MAL2: variants seen among roughly 807,000 people sequenced by gnomAD.
MAL2 encodes protein MAL2.
A neutral mutation model predicts 18.1 loss-of-function variants in MAL2; 17 were observed. The observed-to-expected ratio is 0.94, with a 90% confidence interval of 0.64 to 1.41. The LOEUF is 1.41. Ranked by LOEUF, MAL2 falls within the 40% of genes most tolerant of loss-of-function variation. MAL2 has a pLI of 0.00. For synonymous variants in MAL2, 102 were observed against 102.3 expected (o/e 1.00, Z 0.02); for missense variants, 222 against 231.9 (o/e 0.96, Z 0.28).
intron 2 of MAL2, among the ~76,000 whole-genome samples, chr8:119,234,116 C>A (rs1817809926): frequency 6.6e-6 from 1 of 152,156 alleles, no homozygotes; most frequent in Admixed American, 6.5e-5. Context: ...CGTGCGCGAG[C>A]CGAAGCAGGG....
At chr8:119,217,381 A>G (rs73709671) in intron 1 of MAL2, among the ~76,000 whole-genome samples, 11,212 of 152,198 alleles carry the variant, frequency 0.074, 1,190 homozygotes, top group African/African-American at 0.24. Flanking sequence ...AGTTGGGTTA[A>G]GAAGATAAAA....
rs1218334084 is a variant in MAL2, at chr8:119,243,809, T to G, written c.*321T>G. 1.0e-5 allele frequency: 2 copies of G among 191,782 alleles called. No individual in the cohort carries two copies. The highest frequency in any genetic ancestry group is 2.1e-5 in the Non-Finnish European group (2 of 94,748). The allele number at this position is 191,782 out of a possible 1,614,324, so 11.9% of individuals were successfully genotyped here. A position where few individuals can be genotyped will look rare whatever the true frequency, so the allele number is the denominator to read the frequency against. Reference sequence around the variant, plus strand: ...TCATAAAAAATTAGTATCCCTTTTGTTTGGTTGCTGAGTCACCTGAACCTT... The same window carrying G: ...TCATAAAAAATTAGTATCCCTTTTGGTTGGTTGCTGAGTCACCTGAACCTT... On this transcript the variant is annotated 3_prime_UTR_variant, in exon 4 of 4. Coordinates refer to ENST00000614891, the MANE Select transcript of MAL2 (RefSeq NM_052886.3).
Position 119,238,430 on chromosome 8 carries a change from A to C in MAL2, c.304-1735A>C, listed in dbSNP as rs184545487. The stretch of plus-strand genomic sequence containing the variant: ...TCACAGAATTGGAAAAAACTACTTT[A>C]AAGTTCATAGGAACCGAAAAAGAGC... On this transcript the variant is annotated intron_variant, in intron 2 of 3. Transcript: ENST00000614891. 2.7e-3 allele frequency among the ~76,000 whole-genome samples: 413 copies of C among 152,302 alleles called. 2 individuals are homozygous for C. The highest frequency in any genetic ancestry group is 9.3e-3 in the African/African-American group (388 of 41,540).
At chr8:119,224,707 T>A (rs1817547536) in intron 2 of MAL2, among the ~76,000 whole-genome samples, 1 of 152,056 alleles carries the variant, frequency 6.6e-6, no homozygotes, top group African/African-American at 2.4e-5. Context: ...CCCCACCCAC[T>A]CCTGAGTCTC....
chr8:119,216,300 G>A (rs1285989849), intron 1 of MAL2, among the ~76,000 whole-genome samples: 1 of 151,968 alleles, frequency 6.6e-6, no homozygotes, highest in Non-Finnish European at 1.5e-5. Flanking sequence ...CCATGAGAGG[G>A]GCAGAATAGC....
At position 119,239,738 on chromosome 8, in the gene MAL2, G is replaced by A. The variant is rs534056042; in HGVS notation, c.304-427G>A. Among the ~76,000 whole-genome samples, 5 of 149,308 alleles carry A rather than the reference G, an allele frequency of 3.3e-5. No homozygotes were observed. In the South Asian group the frequency reaches 6.2e-4, roughly 19 times the overall value. ...TGAACAATGAGAACACATGGACACA[G>A]GAAGGGGAACATCACACTCTGGGGA... On this transcript the variant is annotated intron_variant, in intron 2 of 3. Coordinates refer to ENST00000614891, the MANE Select transcript of MAL2 (RefSeq NM_052886.3).
At chr8:119,240,758 A>AGGAT (rs1168612974) in intron 3 of MAL2, among the ~76,000 whole-genome samples, 1 of 152,184 alleles carries the variant, frequency 6.6e-6, no homozygotes, top group Non-Finnish European at 1.5e-5. Context: ...CTGGGTGTTG[A>AGGAT]GGATGGGGTG....
intron 2 of MAL2, among the ~76,000 whole-genome samples, chr8:119,235,461 C>A (rs1014480865): frequency 1.3e-5 from 2 of 152,028 alleles, no homozygotes; most frequent in East Asian, 3.9e-4. Context: ...CACAAAGATA[C>A]TCCTCGAGAA....
intron 3 of MAL2, among the ~76,000 whole-genome samples, chr8:119,243,202 TA>T (rs1477808449): frequency 6.6e-6 from 1 of 150,454 alleles, no homozygotes; most frequent in East Asian, 2.0e-4. Context: ...TATTAGGAGC[TA>T]AAATGTTTAA....
At chr8:119,223,808 TTTATTA>T (rs1187612886) in intron 2 of MAL2, 4 of 152,140 alleles carry the variant, frequency 2.6e-5, no homozygotes, top group Non-Finnish European at 5.9e-5. Context: ...GGGTCTTTTT[TTTATTA>T]TTATTATTCA....
At chr8:119,240,872 G>A (rs566351069) in intron 3 of MAL2, among the ~76,000 whole-genome samples, 83 of 152,100 alleles carry the variant, frequency 5.5e-4, no homozygotes, top group African/African-American at 1.9e-3. Context: ...TATTCCTTGG[G>A]GTATTTATTA....
intron 1 of MAL2, among the ~76,000 whole-genome samples, chr8:119,211,361 GT>G (rs1027054800): frequency 6.6e-6 from 1 of 152,160 alleles, no homozygotes; most frequent in Non-Finnish European, 1.5e-5. Context: ...GTTCAAATTC[GT>G]TTGTCTTTAA....
At position 119,245,327 on chromosome 8, in the gene MAL2, G is replaced by A. The variant is rs1818130492; in HGVS notation, c.*1839G>A. 6.6e-6 allele frequency: 1 copy of A among 152,526 alleles called. No individual in the cohort carries two copies. The highest frequency in any genetic ancestry group is 2.4e-5 in the African/African-American group (1 of 41,430). 9.4% of individuals were successfully genotyped at this position (152,526 alleles called of 1,614,324 possible). On this transcript the variant is annotated 3_prime_UTR_variant, in exon 4 of 4. Coordinates refer to ENST00000614891, the MANE Select transcript of MAL2 (RefSeq NM_052886.3). Reference sequence around the variant, plus strand: ...GAATCGTTTACTCTGCTAGAATTTAGGTGTGAGATTTTTTGTTTCCCAGGT... The same window carrying A: ...GAATCGTTTACTCTGCTAGAATTTAAGTGTGAGATTTTTTGTTTCCCAGGT...
chr8:119,210,313 C>G (rs527539250), intron 1 of MAL2, among the ~76,000 whole-genome samples: 2 of 152,130 alleles, frequency 1.3e-5, no homozygotes, highest in South Asian at 4.1e-4. Context: ...TAATCAAATA[C>G]CATCTCAAGA....
rs543129862 is a variant in MAL2, at chr8:119,235,315, T to A, written c.304-4850T>A. 6.9e-3 allele frequency among the ~76,000 whole-genome samples: 1,044 copies of A among 152,266 alleles called. 10 individuals are homozygous for A. The highest frequency in any genetic ancestry group is 0.022 in the African/African-American group (922 of 41,554). On this transcript the variant is annotated intron_variant, in intron 2 of 3. Coordinates refer to ENST00000614891, the MANE Select transcript of MAL2 (RefSeq NM_052886.3). Reference sequence around the variant, plus strand: ...TGGGACTATGTGAAAAGACCAAATCTACGTCTGATTGGGGTACCTGAAAGT... The same window carrying A: ...TGGGACTATGTGAAAAGACCAAATCAACGTCTGATTGGGGTACCTGAAAGT...
chr8:119,220,299 C>T (rs1817442251), intron 1 of MAL2, among the ~76,000 whole-genome samples: 2 of 152,206 alleles, frequency 1.3e-5, no homozygotes, highest in Non-Finnish European at 2.9e-5. Flanking sequence ...CTAAATTTCA[C>T]TCTAATCCAT....
chr8:119,211,049 T>C (rs1346626702), intron 1 of MAL2, among the ~76,000 whole-genome samples: 1 of 152,226 alleles, frequency 6.6e-6, no homozygotes, highest in African/African-American at 2.4e-5. Flanking sequence ...AGATCAAAGC[T>C]GGCTTGTTAC....
chr8:119,225,272 C>G lies in MAL2; in HGVS notation c.303+3515C>G, dbSNP rs553499899. Among the ~76,000 whole-genome samples the G allele has an allele frequency of 3.3e-5, 5 of 151,794 alleles. No homozygotes were observed. In the East Asian group the frequency reaches 9.8e-4, roughly 30 times the overall value. ...TCTCCTAATGCTATCCCTCCCCACT[C>G]CCCCCACCCCACAACAGGCCCCGGT... On this transcript the variant is annotated intron_variant, in intron 2 of 3. Coordinates refer to ENST00000614891, the MANE Select transcript of MAL2 (RefSeq NM_052886.3).
At chr8:119,241,041 A>G (rs1232033543) in intron 3 of MAL2, among the ~76,000 whole-genome samples, 1 of 152,220 alleles carries the variant, frequency 6.6e-6, no homozygotes, top group African/African-American at 2.4e-5. Context: ...TAATATAAGT[A>G]TATGGCAAGT....
Sources: gnomAD v4.1 joint callset for allele counts (sites outside exome capture counted in the v4.1 genomes callset) on GRCh38, gnomAD v4.1.1 for gene constraint, MANE v1.5 for transcripts, NCBI Gene and HGNC (gene_info 2026-07-23, HGNC 2026-07-21) for gene names.